DHTKD1: variants seen among roughly 807,000 people sequenced by gnomAD.
DHTKD1 encodes the protein dehydrogenase E1 and transketolase domain containing 1, also known as 2-oxoadipate dehydrogenase complex component E1.
Under a neutral mutation model 101.8 loss-of-function variants are expected in DHTKD1, and 78 were observed. The ratio of observed to expected loss-of-function variants is 0.77; its 90% confidence interval spans 0.64 to 0.93. The LOEUF (loss-of-function observed/expected upper bound fraction) is 0.93, where lower values mean the gene tolerates loss of function less well. Among genes scored for constraint, DHTKD1 ranks in the 40% least tolerant of loss-of-function variants. DHTKD1 has a pLI of 0.00. For synonymous variants in DHTKD1, 462 were observed against 450.3 expected, an observed-to-expected ratio of 1.03 and a Z score of -0.33; for missense variants, 1,223 against 1,161.7, an observed-to-expected ratio of 1.05 and a Z score of -0.77.
Position 12,112,965 on chromosome 10 carries a change from A to G in DHTKD1, c.2220A>G (p.Thr740=), listed in dbSNP as rs1425276248. The part of the protein sequence containing the change: ...DTVNMFVVHP[T]TPAQYFHLLR... ...TGAACATGTTTGTGGTTCACCCAAC[A>G]ACTCCTGCACAGTATTTCCACTTGC... The change falls in exon 13 of 17, where the codon ACA becomes ACG. Residue 740 remains threonine, a synonymous_variant. Transcript: ENST00000263035. 6.2e-7 allele frequency: 1 copy of G among 1,613,790 alleles called. No individual in the cohort carries two copies. The highest frequency in any genetic ancestry group is 1.7e-5 in the Admixed American group (1 of 59,942).
rs554358426 is a variant in DHTKD1, at chr10:12,123,207, T to C, written c.*2319T>C. ...TAACAAGAAAAAAAATAAAAGCACA[T>C]TGTCATTTTTTTTCCTCAGGACTCC... On this transcript the variant is annotated 3_prime_UTR_variant, in exon 17 of 17. Transcript: ENST00000263035. 1 of 152,266 alleles carries C rather than the reference T, an allele frequency of 6.6e-6. No homozygotes were observed. Among genetic ancestry groups the C allele is most frequent in the African/African-American group, 2.4e-5 (1 of 41,556 alleles). The allele number at this position is 152,266 out of a possible 1,614,324, so 9.4% of individuals were successfully genotyped here.
rs774720865 is a variant in DHTKD1 at position 12,087,555 on chromosome 10, C to A, written c.543C>A (p.Ala181=). The change falls in exon 4 of 17, where the codon GCC becomes GCA. Residue 181 remains alanine (A), a synonymous_variant. Transcript: ENST00000263035. The surrounding 1 kb of genome is among the most constrained non-coding windows in gnomAD (Gnocchi z 5.2). Reference sequence around the variant, plus strand: ...TGCAGGAGTTTGACCACTTTCTGGCCACCAAGTTCTCGACAGTGAAGCGAT... The same window carrying A: ...TGCAGGAGTTTGACCACTTTCTGGCAACCAAGTTCTCGACAGTGAAGCGAT... ...LESQEFDHFL[A]TKFSTVKRYG... is the part of the protein sequence containing the mutation. 81 of 1,602,644 alleles carry A rather than the reference C, an allele frequency of 5.1e-5. 2 individuals carry two copies. The South Asian group carries it at 9.1e-4, about 18-fold the overall frequency.
At chr10:12,095,796 TAGCGAGA>T (rs1255573994) in intron 7 of DHTKD1, among the ~76,000 whole-genome samples, 19 of 84,514 alleles carry the variant, frequency 2.2e-4, no homozygotes, top group African/African-American at 8.5e-4. Context: ...CTGGGTGGCA[TAGCGAGA>T]CTCCGTCTCA....
chr10:12,115,804 G>A (rs766316160), intron 13 of DHTKD1, among the ~76,000 whole-genome samples: 1 of 151,742 alleles, frequency 6.6e-6, no homozygotes, highest in Non-Finnish European at 1.5e-5. Flanking sequence ...GTCTCGCTTT[G>A]TTGCCTAGGC....
At chr10:12,074,487 C>T (rs1420756950) in intron 1 of DHTKD1, among the ~76,000 whole-genome samples, 1 of 152,012 alleles carries the variant, frequency 6.6e-6, no homozygotes, top group Non-Finnish European at 1.5e-5. Flanking sequence ...TCCCATGTAG[C>T]CAAGACTACA....
chr10:12,076,784 G>A (rs1302011442), intron 1 of DHTKD1, among the ~76,000 whole-genome samples: 2 of 151,584 alleles, frequency 1.3e-5, no homozygotes, highest in African/African-American at 2.4e-5. Flanking sequence ...TCAGCCTCCC[G>A]AGTAGCTGGG....
At chr10:12,099,691 AAAAT>A (rs1179635594) in intron 8 of DHTKD1, among the ~76,000 whole-genome samples, 3 of 152,190 alleles carry the variant, frequency 2.0e-5, no homozygotes, top group Non-Finnish European at 4.4e-5. Context: ...GCCTCAGAAA[AAAAT>A]AAATAAATAA....
At position 12,110,850 on chromosome 10, in the gene DHTKD1, C is replaced by T. The variant is rs2399772; in HGVS notation, c.2155-2050C>T. On this transcript the variant is annotated intron_variant, in intron 12 of 16. Coordinates refer to ENST00000263035, the MANE Select transcript of DHTKD1 (RefSeq NM_018706.7). This position sits in a 1 kb window ranked among gnomAD's most constrained non-coding sequence, Gnocchi z 4.9. ...CTCAGGAGTTTGAGACCAGCCTGGG[C>T]AACATGGTGAGACCCCATTTCTGCT... 0.083 allele frequency among the ~76,000 whole-genome samples: 12,589 copies of T among 151,888 alleles called. 637 individuals carry two copies. The highest frequency in any genetic ancestry group is 0.12 in the Non-Finnish European group (7,927 of 67,940).
chr10:12,090,563 G>C lies in DHTKD1; in HGVS notation c.988-950G>C, dbSNP rs553901867. On this transcript the variant is annotated intron_variant, in intron 5 of 16. Coordinates refer to ENST00000263035, the MANE Select transcript of DHTKD1 (RefSeq NM_018706.7). ...AATGGTGCAATCATAGCTCACTGTA[G>C]GCTCAAATGCCTAGGCTCAAGCAAT... is the stretch of plus-strand genomic sequence containing the variant. Among the ~76,000 whole-genome samples, 40 of 151,816 alleles carry C rather than the reference G, an allele frequency of 2.6e-4. No homozygotes were observed. In the South Asian group the frequency reaches 8.3e-3, roughly 32 times the overall value.
chr10:12,074,928 C>T (rs576672453), intron 1 of DHTKD1, among the ~76,000 whole-genome samples: 1 of 151,990 alleles, frequency 6.6e-6, no homozygotes. Context: ...GAGTTCAAGA[C>T]CAGTCTGGCC....
chr10:12,102,938 T>A (rs560026592), intron 10 of DHTKD1, among the ~76,000 whole-genome samples: 10 of 152,170 alleles, frequency 6.6e-5, no homozygotes, highest in Admixed American at 2.6e-4. Context: ...AATTTATTAT[T>A]TAGACCTGGC....
intron 1 of DHTKD1, among the ~76,000 whole-genome samples, chr10:12,076,069 T>TA (rs1242686228): frequency 6.6e-6 from 1 of 152,222 alleles, no homozygotes; most frequent in African/African-American, 2.4e-5. Flanking sequence ...AACTGATTCT[T>TA]ATAAGCACAA....
intron 4 of DHTKD1, 64 bp from the exon 5 acceptor site, chr10:12,088,922 A>G (rs1832944130): frequency 2.1e-6 from 3 of 1,437,948 alleles, no homozygotes; most frequent in African/African-American, 1.4e-5. Context: ...TCAACTCAGC[A>G]CTTCTTCCCT....
chr10:12,084,845 G>A, intron 3 of DHTKD1, 94 bp downstream of exon 3: 5 of 1,067,898 alleles, frequency 4.7e-6, no homozygotes, highest in Non-Finnish European at 5.6e-6. Flanking sequence ...GAGGTCAGGA[G>A]TTCAAGACCA....
In DHTKD1 at chr10:12,108,323, AGGCTG is replaced by A. The variant is rs542419230; in HGVS notation, c.2154+310_2154+314del. Among the ~76,000 whole-genome samples, 6 of 152,196 alleles carry A rather than the reference AGGCTG, an allele frequency of 3.9e-5. No homozygotes were observed. In the South Asian group the frequency reaches 1.2e-3, roughly 32 times the overall value. On this transcript the variant is annotated intron_variant, in intron 12 of 16. Transcript: ENST00000263035. ...GAGATGGGGTCTCGCTCTGTTGCCC[AGGCTG>A]GAGTGCAGTGGTGCGATCTTGGCTC...
At chr10:12,079,628 A>G (rs1832784562) in intron 1 of DHTKD1, among the ~76,000 whole-genome samples, 1 of 152,104 alleles carries the variant, frequency 6.6e-6, no homozygotes, top group South Asian at 2.1e-4. Context: ...AGATTGCACC[A>G]CTGCACTCCA....
At chr10:12,091,713 G>A in intron 6 of DHTKD1, 29 bp downstream of exon 6, 2 of 1,603,830 alleles carry the variant, frequency 1.2e-6, no homozygotes, top group Non-Finnish European at 1.7e-6. Context: ...AACTGATATT[G>A]CTGAAGCCGA....
rs376986154 is a variant in DHTKD1 at position 12,120,855 on chromosome 10, G to A, written c.2727G>A (p.Gln909=). ...GAATTGGCACAGTTCACTTGCACCA[G>A]CATGAAGATATCCTCGCCAAGACCT... ...AVGIGTVHLH[Q]HEDILAKTFA The change falls in exon 17 of 17, where the codon CAG becomes CAA. Residue 909 remains glutamine (Q), a synonymous_variant. Coordinates refer to ENST00000263035, the MANE Select transcript of DHTKD1 (RefSeq NM_018706.7). 23 of 1,613,890 alleles carry A rather than the reference G, an allele frequency of 1.4e-5. No homozygotes were observed. Among genetic ancestry groups the A allele is most frequent in the Non-Finnish European group, 1.9e-5 (23 of 1,179,932 alleles).
chr10:12,091,673 G>A lies in DHTKD1; in HGVS notation c.1148G>A (p.Cys383Tyr). 6.2e-7 allele frequency: 1 copy of A among 1,613,608 alleles called. No individual in the cohort carries two copies. The highest frequency in any genetic ancestry group is 8.5e-7 in the Non-Finnish European group (1 of 1,179,808). Residue 383 changes from cysteine (C) to tyrosine (Y), a missense_variant, in exon 6 of 17, where the codon TGC (cysteine) becomes TAC (tyrosine). Coordinates refer to ENST00000263035, the MANE Select transcript of DHTKD1 (RefSeq NM_018706.7). The stretch of plus-strand genomic sequence containing the variant: ...GAAAGAGGAAGGTCTTCTTTATACT[G>A]CAGTGATATTGGTACGTAACACAGG... Reference protein sequence around the residue: ...PAERGRSSLYCSDIGKLVGCA... With the variant: ...PAERGRSSLYYSDIGKLVGCA...
Sources: allele counts gnomAD v4.1 joint callset (sites outside exome capture counted in the v4.1 genomes callset), GRCh38; gene constraint gnomAD v4.1.1; non-coding constraint Gnocchi (gnomAD v3.1); transcripts MANE v1.5; gene names NCBI Gene and HGNC (gene_info 2026-07-23, HGNC 2026-07-21).